Variants in CDC42BPA observed in about 807,000 individuals in gnomAD.
CDC42BPA encodes the protein serine/threonine-protein kinase MRCK alpha.
A neutral mutation model predicts 223.5 loss-of-function variants in CDC42BPA; 80 were observed. That is an observed-to-expected ratio of 0.36 (90% confidence interval 0.30 to 0.43). The LOEUF is 0.43. Ranked by LOEUF, CDC42BPA falls within the 20% of genes least tolerant of loss-of-function variation. The pLI is 1.00. For synonymous variants in CDC42BPA, 694 were observed against 718.6 expected, an observed-to-expected ratio of 0.97 and a Z score of 0.55; for missense variants, 1,743 against 2,099.9, an observed-to-expected ratio of 0.83 and a Z score of 3.32.
intron 34 of CDC42BPA, among the ~76,000 whole-genome samples, chr1:227,007,235 G>T (rs1664286283): frequency 6.6e-6 from 1 of 152,094 alleles, no homozygotes; most frequent in African/African-American, 2.4e-5. Flanking sequence ...GAATGCTATA[G>T]GCTACCATTA....
chr1:227,080,820 C>A, intron 17 of CDC42BPA, 73 bp downstream of exon 17: 1 of 1,529,368 alleles, frequency 6.5e-7, no homozygotes, highest in Non-Finnish European at 9.0e-7. Flanking sequence ...TTATTAGTAG[C>A]CACCTGGAAT....
intron 5 of CDC42BPA, among the ~76,000 whole-genome samples, chr1:227,171,032 A>T (rs1666012837): frequency 6.6e-6 from 1 of 152,246 alleles, no homozygotes; most frequent in Non-Finnish European, 1.5e-5. Flanking sequence ...ATAACGTGGC[A>T]GCCAGACAAC....
chr1:227,154,874 A>C (rs1326720066), intron 6 of CDC42BPA, among the ~76,000 whole-genome samples: 2 of 152,114 alleles, frequency 1.3e-5, no homozygotes, highest in Non-Finnish European at 2.9e-5. Context: ...ACATGTATGG[A>C]TATAAACCAA....
intron 10 of CDC42BPA, among the ~76,000 whole-genome samples, chr1:227,137,236 C>G (rs986419369): frequency 1.3e-5 from 2 of 151,968 alleles, no homozygotes; most frequent in South Asian, 4.2e-4. Flanking sequence ...GACTAGATAT[C>G]CAAATGGATA....
At chr1:227,047,762 C>T (rs987118565) in intron 23 of CDC42BPA, among the ~76,000 whole-genome samples, 165 bp downstream of exon 23, 8 of 152,132 alleles carry the variant, frequency 5.3e-5, no homozygotes, top group African/African-American at 1.7e-4. Context: ...TACGCTCTCC[C>T]TACCTTTCCT....
chr1:227,046,254 G>A (rs113022725), intron 23 of CDC42BPA, among the ~76,000 whole-genome samples: 1 of 152,036 alleles, frequency 6.6e-6, no homozygotes, highest in African/African-American at 2.4e-5. Flanking sequence ...TGTTAAGAAA[G>A]GACCTAGCCA....
intron 1 of CDC42BPA, among the ~76,000 whole-genome samples, chr1:227,296,165 T>C (rs1218504494): frequency 6.6e-6 from 1 of 152,078 alleles, no homozygotes; most frequent in Non-Finnish European, 1.5e-5. Context: ...AGGATAAACA[T>C]ATAGATCAAT....
intron 12 of CDC42BPA, among the ~76,000 whole-genome samples, chr1:227,113,421 G>A (rs1687253399): frequency 6.6e-6 from 1 of 152,118 alleles, no homozygotes; most frequent in Non-Finnish European, 1.5e-5. Context: ...ATTTTCTTTG[G>A]GGGAAAGAAG....
intron 7 of CDC42BPA, among the ~76,000 whole-genome samples, chr1:227,146,797 A>G (rs1309398010): frequency 6.6e-6 from 1 of 152,118 alleles, no homozygotes; most frequent in Non-Finnish European, 1.5e-5. Flanking sequence ...TCCTAGACTG[A>G]AGTTGCTCAA....
chr1:227,299,748 C>A (rs1488154337), intron 1 of CDC42BPA, among the ~76,000 whole-genome samples: 1 of 152,040 alleles, frequency 6.6e-6, no homozygotes, highest in African/African-American at 2.4e-5. Flanking sequence ...GACCCACAGT[C>A]TGGAAAATAA....
intron 11 of CDC42BPA, among the ~76,000 whole-genome samples, chr1:227,123,208 G>A (rs1208402022): frequency 6.6e-6 from 1 of 152,096 alleles, no homozygotes; most frequent in African/African-American, 2.4e-5. Flanking sequence ...GGGCTGAGGC[G>A]GGAGAATCAC....
intron 34 of CDC42BPA, 84 bp downstream of exon 34, chr1:227,015,996 G>T (rs1666154441): frequency 1.4e-6 from 1 of 727,168 alleles, no homozygotes; most frequent in Admixed American, 2.2e-5. Context: ...CATATCCTTT[G>T]AAGTCTACCC....
At chr1:227,219,580 A>G (rs10429872) in intron 2 of CDC42BPA, among the ~76,000 whole-genome samples, 31,132 of 152,066 alleles carry the variant, frequency 0.2, 3,286 homozygotes, top group East Asian at 0.26. Flanking sequence ...TACATAAATG[A>G]TGCGTTTATT....
chr1:227,033,290 A>G (rs1457214535), intron 27 of CDC42BPA, 44 bp downstream of exon 27: 1 of 1,333,820 alleles, frequency 7.5e-7, no homozygotes, highest in South Asian at 1.2e-5. Context: ...TATACTCATT[A>G]AAAACACATA....
chr1:227,237,045 CAAA>C (rs11447987), intron 2 of CDC42BPA, among the ~76,000 whole-genome samples: 15,371 of 83,764 alleles, frequency 0.18, 436 homozygotes, highest in Middle Eastern at 0.32. Flanking sequence ...CCGGTCTCCA[CAAA>C]AAAAAAAAAA....
At chr1:227,049,747 A>G (rs1673157138) in intron 22 of CDC42BPA, among the ~76,000 whole-genome samples, 1 of 152,174 alleles carries the variant, frequency 6.6e-6, no homozygotes, top group Non-Finnish European at 1.5e-5. Context: ...AGATCCATGC[A>G]TATAAAGCAG....
At chr1:227,213,021 A>G in intron 3 of CDC42BPA, 115 bp downstream of exon 3, 1 of 541,912 alleles carries the variant, frequency 1.8e-6, no homozygotes, top group South Asian at 3.2e-5. Flanking sequence ...TGCCTTAAAA[A>G]ATGTCACCAC....
chr1:227,271,863 A>G (rs1488117435), intron 1 of CDC42BPA, among the ~76,000 whole-genome samples: 1 of 152,158 alleles, frequency 6.6e-6, no homozygotes. Flanking sequence ...GAGCATCCTC[A>G]GTTATCACAC....
At chr1:227,228,086 G>C (rs1677161131) in intron 2 of CDC42BPA, among the ~76,000 whole-genome samples, 1 of 152,082 alleles carries the variant, frequency 6.6e-6, no homozygotes, top group South Asian at 2.1e-4. Flanking sequence ...ACTCAGGGAG[G>C]GGAACAACAC....
Sources: allele counts gnomAD v4.1 joint callset (sites outside exome capture counted in the v4.1 genomes callset), GRCh38; gene constraint gnomAD v4.1.1; transcripts MANE v1.5; gene names NCBI Gene and HGNC (gene_info 2026-07-23, HGNC 2026-07-21).